XKR6: variants seen among roughly 807,000 people sequenced by gnomAD.
XKR6 encodes XK-related protein 6.
Under a neutral mutation model 56.7 loss-of-function variants are expected in XKR6, and 22 were observed. That is an observed-to-expected ratio of 0.39 (90% confidence interval 0.28 to 0.55). The LOEUF is 0.55. Among genes scored for constraint, XKR6 ranks in the 20% least tolerant of loss-of-function variants. The pLI, the probability that XKR6 is intolerant of heterozygous loss-of-function variation, is 0.66. For missense variants in XKR6, 852 were observed against 889.0 expected, an observed-to-expected ratio of 0.96 and a Z score of 0.53; for synonymous variants, 524 against 387.8, an observed-to-expected ratio of 1.35 and a Z score of -4.13.
rs1259505805 is a variant in XKR6, at chr8:11,201,083, G to T, written c.257C>A (p.Ala86Asp). 2.9e-6 allele frequency: 4 copies of T among 1,378,560 alleles called. No homozygotes were observed. Among genetic ancestry groups the T allele is most frequent in the African/African-American group, 1.5e-5 (1 of 66,070 alleles). 85.4% of individuals were successfully genotyped at this position (1,378,560 alleles called of 1,614,324 possible). ...SLLGRKPRRS[A>D]AADGGDQPLQ... Reference sequence around the variant, plus strand: ...CGGCTGGTCCCCCCCGTCGGCGGCGGCGCTGCGGCGCGGCTTCCTGCCCAG... The same window carrying T: ...CGGCTGGTCCCCCCCGTCGGCGGCGTCGCTGCGGCGCGGCTTCCTGCCCAG... Residue 86 changes from alanine to aspartate, a missense_variant, in exon 1 of 3, where the codon GCC becomes GAC. Physicochemically the swap from Ala to Asp is moderately radical, Grantham distance 126 (BLOSUM62 -2). Transcript: ENST00000416569.
intron 1 of XKR6, among the ~76,000 whole-genome samples, chr8:10,973,091 T>C (rs555520410): frequency 2.0e-5 from 3 of 152,232 alleles, no homozygotes; most frequent in Admixed American, 1.3e-4. Flanking sequence ...GGAGTTATTA[T>C]TGAAGATGAT....
intron 1 of XKR6, among the ~76,000 whole-genome samples, chr8:10,972,582 G>A (rs574906146): frequency 6.6e-6 from 1 of 152,210 alleles, no homozygotes; most frequent in Admixed American, 6.5e-5. Flanking sequence ...GACCTTGAGG[G>A]CATCATGCTG....
chr8:11,091,446 A>C (rs1419468556), intron 1 of XKR6, among the ~76,000 whole-genome samples: 14 of 151,806 alleles, frequency 9.2e-5, no homozygotes, highest in African/African-American at 2.4e-5. Context: ...CAAATAAATA[A>C]ATAAATAAAT....
intron 1 of XKR6, among the ~76,000 whole-genome samples, chr8:11,046,549 G>C (rs187766905): frequency 8.5e-5 from 13 of 152,254 alleles, no homozygotes; most frequent in Admixed American, 8.5e-4. Context: ...AGTGTTCACC[G>C]GTGGATGAAT....
intron 1 of XKR6, among the ~76,000 whole-genome samples, chr8:11,019,021 C>G (rs1484195098): frequency 6.6e-6 from 1 of 152,170 alleles, no homozygotes; most frequent in Admixed American, 6.5e-5. Context: ...CTCAGGCCCC[C>G]TCACCCACTC....
At chr8:11,035,836 T>A (rs1005317930) in intron 1 of XKR6, among the ~76,000 whole-genome samples, 18 of 152,102 alleles carry the variant, frequency 1.2e-4, no homozygotes, top group Admixed American at 3.3e-4. Flanking sequence ...TCTGATTTTT[T>A]TCCCTGAAAA....
chr8:11,092,556 G>A (rs940555833), intron 1 of XKR6, among the ~76,000 whole-genome samples: 1 of 152,134 alleles, frequency 6.6e-6, no homozygotes, highest in Non-Finnish European at 1.5e-5. Flanking sequence ...GGGGTATCCC[G>A]GGTGATAAAG....
At chr8:11,102,810 G>C (rs977139623) in intron 1 of XKR6, among the ~76,000 whole-genome samples, 3 of 152,186 alleles carry the variant, frequency 2.0e-5, no homozygotes, top group Non-Finnish European at 4.4e-5. Context: ...CCTGTCCCTA[G>C]CTCAGAACTG....
At chr8:11,094,351 G>C (rs1365640888) in intron 1 of XKR6, among the ~76,000 whole-genome samples, 2 of 152,186 alleles carry the variant, frequency 1.3e-5, no homozygotes, top group Non-Finnish European at 2.9e-5. Flanking sequence ...ACCATGCCCA[G>C]CTAATGTTTT....
intron 1 of XKR6, among the ~76,000 whole-genome samples, chr8:10,980,722 C>T (rs10110124): frequency 1.2e-4 from 19 of 152,074 alleles, no homozygotes; most frequent in African/African-American, 1.7e-4. Context: ...GATTATGACT[C>T]GGGATTGTGA....
chr8:10,897,356 G>A lies in XKR6; in HGVS notation c.*596C>T, dbSNP rs1007775411. On this transcript the variant is annotated 3_prime_UTR_variant, in exon 3 of 3. Transcript: ENST00000416569. ...TTGCTTTGTGTTGTATTTGTTGGTT[G>A]GTTTTTGTTTCACTTTTAGATTTGT... The A allele has an allele frequency of 6.6e-6, 1 of 152,500 alleles. No individual in the cohort carries two copies. The highest frequency in any genetic ancestry group is 2.4e-5 in the African/African-American group (1 of 41,428). 9.4% of individuals were successfully genotyped at this position (152,500 alleles called of 1,614,324 possible).
At chr8:10,971,663 A>G (rs527642350) in intron 1 of XKR6, among the ~76,000 whole-genome samples, 4 of 151,916 alleles carry the variant, frequency 2.6e-5, no homozygotes, top group African/African-American at 9.7e-5. Flanking sequence ...AACTACCTTC[A>G]CTTTTTGTAC....
intron 1 of XKR6, among the ~76,000 whole-genome samples, chr8:11,084,916 A>T (rs1209764982): frequency 6.6e-6 from 1 of 152,084 alleles, no homozygotes; most frequent in Non-Finnish European, 1.5e-5. Context: ...ACAGTGCCTT[A>T]CTCCTACAAA....
intron 1 of XKR6, among the ~76,000 whole-genome samples, chr8:11,022,604 G>T (rs1300413689): frequency 6.6e-6 from 1 of 152,182 alleles, no homozygotes; most frequent in Non-Finnish European, 1.5e-5. Context: ...GAGAATGCAT[G>T]CGCTTCCTCC....
At chr8:10,983,013 C>A (rs1339586187) in intron 1 of XKR6, among the ~76,000 whole-genome samples, 6 of 152,172 alleles carry the variant, frequency 3.9e-5, no homozygotes, top group Non-Finnish European at 8.8e-5. Flanking sequence ...TACCAATTAA[C>A]TTACAGGGTT....
At chr8:10,993,079 T>G (rs1224026815) in intron 1 of XKR6, among the ~76,000 whole-genome samples, 1 of 152,248 alleles carries the variant, frequency 6.6e-6, no homozygotes, top group African/African-American at 2.4e-5. Flanking sequence ...AGTGTATATG[T>G]GTGTGTATCT....
At chr8:10,957,948 T>C (rs905755235) in intron 1 of XKR6, among the ~76,000 whole-genome samples, 3 of 152,210 alleles carry the variant, frequency 2.0e-5, no homozygotes, top group Admixed American at 6.5e-5. Flanking sequence ...TGGTGTACTA[T>C]AGTTAGATTT....
At chr8:11,069,005 G>A (rs185643143) in intron 1 of XKR6, among the ~76,000 whole-genome samples, 50 of 152,224 alleles carry the variant, frequency 3.3e-4, no homozygotes, top group African/African-American at 9.6e-4. Flanking sequence ...GCCCAACCTC[G>A]GGGTCCTGAT....
At chr8:10,960,472 C>T (rs1244850739) in intron 1 of XKR6, among the ~76,000 whole-genome samples, 1 of 152,190 alleles carries the variant, frequency 6.6e-6, no homozygotes, top group African/African-American at 2.4e-5. Context: ...GAGACGGAAG[C>T]CTTTCCTTTG....
Sources: gnomAD v4.1 joint callset for allele counts (sites outside exome capture counted in the v4.1 genomes callset) on GRCh38, gnomAD v4.1.1 for gene constraint, MANE v1.5 for transcripts, NCBI Gene and HGNC (gene_info 2026-07-23, HGNC 2026-07-21) for gene names.